PDE1C: variants seen among roughly 807,000 people sequenced by gnomAD.
PDE1C encodes the protein phosphodiesterase 1C.
In PDE1C, 62 loss-of-function variants were observed where a neutral mutation model predicts 93.1. That is an observed-to-expected ratio of 0.67 (90% CI 0.54 to 0.82). The LOEUF is 0.82. Ranked by LOEUF, PDE1C falls within the 40% of genes least tolerant of loss-of-function variation. The pLI is 0.00. For missense variants in PDE1C, 742 were observed against 884.6 expected, an observed-to-expected ratio of 0.84 and a Z score of 2.04; for synonymous variants, 325 against 310.1, an observed-to-expected ratio of 1.05 and a Z score of -0.50.
At chr7:31,641,251 A>G in the PDE1C span, among the ~76,000 whole-genome samples, 54 of 152,256 alleles carry the variant, frequency 3.5e-4, no homozygotes, top group African/African-American at 1.3e-3. Flanking sequence ...CAAATCCCCT[A>G]TTTATCACTT....
intron 2 of PDE1C, among the ~76,000 whole-genome samples, chr7:31,927,722 A>C (rs999549518): frequency 2.6e-5 from 4 of 152,214 alleles, no homozygotes; most frequent in African/African-American, 9.6e-5. Flanking sequence ...AGAACTAACA[A>C]ACAGAAAGCA....
chr7:31,700,171 G>C, the PDE1C span, among the ~76,000 whole-genome samples: 2,903 of 152,254 alleles, frequency 0.019, 110 homozygotes, highest in African/African-American at 0.065. Context: ...TTGTACCAAC[G>C]AGTTAGCCAA....
intron 2 of PDE1C, among the ~76,000 whole-genome samples, chr7:32,000,123 T>C (rs1018838108): frequency 4.6e-5 from 7 of 152,188 alleles, no homozygotes; most frequent in African/African-American, 1.7e-4. Context: ...ACAGCAGTTA[T>C]GGTGACGTCC....
At chr7:31,727,615 A>G in the PDE1C span, among the ~76,000 whole-genome samples, 1 of 152,238 alleles carries the variant, frequency 6.6e-6, no homozygotes, top group Non-Finnish European at 1.5e-5. Context: ...ACTGAGAAAC[A>G]GATGGAAAAT....
intron 1 of PDE1C, among the ~76,000 whole-genome samples, chr7:32,259,551 G>A (rs1810044437): frequency 6.6e-6 from 1 of 152,120 alleles, no homozygotes; most frequent in Admixed American, 6.5e-5. Context: ...GGGATGAGGA[G>A]GCATTCCTGG....
intron 1 of PDE1C, among the ~76,000 whole-genome samples, chr7:32,291,239 C>T (rs1246441788): frequency 3.3e-5 from 5 of 152,152 alleles, no homozygotes; most frequent in African/African-American, 4.8e-5. Flanking sequence ...CTCCAGAATC[C>T]AACTCTTAAC....
intron 2 of PDE1C, among the ~76,000 whole-genome samples, chr7:32,177,168 C>T (rs1325311315): frequency 2.6e-5 from 4 of 152,298 alleles, no homozygotes; most frequent in East Asian, 3.9e-4. Flanking sequence ...TGCTGAACTG[C>T]GTCCAACATA....
the PDE1C span, among the ~76,000 whole-genome samples, chr7:31,719,998 TA>T: frequency 4.0e-5 from 6 of 151,036 alleles, no homozygotes; most frequent in Admixed American, 2.0e-4. Context: ...CCGTCTCTAC[TA>T]AAAAATACAA....
At chr7:32,091,142 C>T (rs1797447763) in intron 3 of PDE1C, among the ~76,000 whole-genome samples, 1 of 152,112 alleles carries the variant, frequency 6.6e-6, no homozygotes, top group Non-Finnish European at 1.5e-5. Flanking sequence ...ATTGAATACT[C>T]CTTGAATGAA....
At chr7:32,232,061 G>A (rs1444065535) in intron 1 of PDE1C, among the ~76,000 whole-genome samples, 1 of 151,842 alleles carries the variant, frequency 6.6e-6, no homozygotes, top group African/African-American at 2.4e-5. Flanking sequence ...CTCTCCCACT[G>A]AATGCAGCTA....
At chr7:32,054,217 T>C (rs1793752144) in intron 1 of PDE1C, among the ~76,000 whole-genome samples, 1 of 152,134 alleles carries the variant, frequency 6.6e-6, no homozygotes, top group South Asian at 2.1e-4. Flanking sequence ...CTGACACCGT[T>C]CTCCGTGGCA....
intron 2 of PDE1C, among the ~76,000 whole-genome samples, chr7:31,921,057 T>A (rs1330034108): frequency 6.6e-6 from 1 of 152,242 alleles, no homozygotes; most frequent in South Asian, 2.1e-4. Flanking sequence ...CTCAGGCTAC[T>A]GAAAAATCAA....
upstream of PDE1C, chr7:32,070,788 G>GA: frequency 1.0e-6 from 1 of 1,001,498 alleles, no homozygotes; most frequent in Non-Finnish European, 1.2e-6. Context: ...GTTTGGAGGT[G>GA]AAAAGGAGGG....
At chr7:31,835,992 G>GTGA (rs1791049980) in intron 11 of PDE1C, among the ~76,000 whole-genome samples, 1 of 152,212 alleles carries the variant, frequency 6.6e-6, no homozygotes, top group Non-Finnish European at 1.5e-5. Context: ...GGACGAAGTT[G>GTGA]TGACTTGTGT....
rs552820495 is a variant in PDE1C at position 32,187,203 on chromosome 7, A to T, written c.137-17247T>A. 2.0e-5 allele frequency among the ~76,000 whole-genome samples: 3 copies of T among 151,972 alleles called. No homozygotes were observed. In the East Asian group the frequency reaches 5.8e-4, roughly 29 times the overall value. On this transcript the variant is annotated intron_variant, in intron 2 of 18. Transcript: ENST00000396193. ...GAGACAAGGTCTCACTATGTCACCCAGGCGGGCCTCCAACTCCTGGGCTCA... is the reference window on the plus strand; with the variant it reads ...GAGACAAGGTCTCACTATGTCACCCTGGCGGGCCTCCAACTCCTGGGCTCA...
intron 2 of PDE1C, among the ~76,000 whole-genome samples, chr7:31,896,830 G>T (rs1227081865): frequency 6.6e-6 from 1 of 152,196 alleles, no homozygotes; most frequent in Non-Finnish European, 1.5e-5. Context: ...AAGCTACCTT[G>T]TCATGGTGTT....
chr7:32,220,196 G>C (rs889643429), intron 1 of PDE1C, among the ~76,000 whole-genome samples: 2 of 152,054 alleles, frequency 1.3e-5, no homozygotes, highest in Non-Finnish European at 2.9e-5. Context: ...GGTTGCTCAA[G>C]CTGTCAACTA....
At chr7:32,079,599 T>G (rs540705880) in intron 3 of PDE1C, among the ~76,000 whole-genome samples, 17 of 152,290 alleles carry the variant, frequency 1.1e-4, no homozygotes, top group African/African-American at 3.9e-4. Context: ...TCCAATATGG[T>G]TTCACTCACA....
At chr7:32,118,547 A>T (rs568934167) in intron 3 of PDE1C, among the ~76,000 whole-genome samples, 1 of 152,326 alleles carries the variant, frequency 6.6e-6, no homozygotes, top group Admixed American at 6.5e-5. Context: ...AGACTTCATA[A>T]TTTATGGTGA....
Sources: gnomAD v4.1 joint callset for allele counts (sites outside exome capture counted in the v4.1 genomes callset) on GRCh38, gnomAD v4.1.1 for gene constraint, MANE v1.5 for transcripts, NCBI Gene and HGNC (gene_info 2026-07-23, HGNC 2026-07-21) for gene names.